The following SLC44A3 variants were observed in gnomAD, a reference collection of about 807,000 sequenced individuals.
The protein encoded by SLC44A3 is solute carrier family 44 member 3.
Under a neutral mutation model 75.4 loss-of-function variants are expected in SLC44A3, and 74 were observed. That is an observed-to-expected ratio of 0.98 (90% CI 0.81 to 1.19). The LOEUF (loss-of-function observed/expected upper bound fraction) is 1.19, where lower values mean the gene tolerates loss of function less well. Among genes scored for constraint, SLC44A3 ranks in the 50% most tolerant of loss-of-function variants. The probability of loss-of-function intolerance (pLI) is 0.00; values close to 1 mark genes in which losing one functional copy is unlikely to be tolerated. For missense variants in SLC44A3, 700 were observed against 778.6 expected (o/e 0.90, Z 1.20); for synonymous variants, 310 against 296.9 (o/e 1.04, Z -0.45).
chr1:94,839,761 A>C (rs544246856), intron 6 of SLC44A3, among the ~76,000 whole-genome samples, 187 bp from the exon 7 acceptor site: 46 of 152,296 alleles, frequency 3.0e-4, no homozygotes, highest in Middle Eastern at 3.4e-3. Flanking sequence ...TGAATGGTGC[A>C]TCAGAGACTG....
At chr1:94,832,880 T>A (rs937580275) in intron 5 of SLC44A3, among the ~76,000 whole-genome samples, 1 of 152,090 alleles carries the variant, frequency 6.6e-6, no homozygotes, top group African/African-American at 2.4e-5. Flanking sequence ...GATGGGAGGA[T>A]CTCTTGAGCC....
At chr1:94,865,801 T>C (rs1667104565) in intron 11 of SLC44A3, among the ~76,000 whole-genome samples, 1 of 152,228 alleles carries the variant, frequency 6.6e-6, no homozygotes, top group Non-Finnish European at 1.5e-5. Context: ...TCAGGACATT[T>C]TACCAATAGG....
chr1:94,876,051 T>C (rs1300006617), intron 12 of SLC44A3, among the ~76,000 whole-genome samples: 46 of 152,216 alleles, frequency 3.0e-4, no homozygotes, highest in Admixed American at 3.0e-3. Flanking sequence ...TGAAACTGAC[T>C]CCTCCTATGC....
Position 94,885,224 on chromosome 1 carries a change from C to CAAAAAAAAAAAAAAA in SLC44A3, c.1483-5901_1483-5887dup, listed in dbSNP as rs60440950. 3.3e-4 allele frequency among the ~76,000 whole-genome samples: 27 copies of CAAAAAAAAAAAAAAA among 82,850 alleles called. 2 individuals are homozygous for CAAAAAAAAAAAAAAA. Among genetic ancestry groups the CAAAAAAAAAAAAAAA allele is most frequent in the African/African-American group, 1.1e-3 (24 of 20,920 alleles). 54.4% of individuals were successfully genotyped at this position (82,850 alleles called of 152,430 possible). On this transcript the variant is annotated intron_variant, in intron 12 of 14. Coordinates refer to ENST00000271227, the MANE Select transcript of SLC44A3 (RefSeq NM_001114106.3). Reference sequence around the variant, plus strand: ...TGGGCGACAGAGTGAGACTCCCTCTCAAAAAAAAAAAAAAAAAAAGAGGCA... The same window carrying CAAAAAAAAAAAAAAA: ...TGGGCGACAGAGTGAGACTCCCTCTCAAAAAAAAAAAAAAAAAAAAAAAAAAAAAAAAAAGAGGCA...
At chr1:94,871,908 G>A (rs980138779) in intron 12 of SLC44A3, among the ~76,000 whole-genome samples, 8 of 152,240 alleles carry the variant, frequency 5.3e-5, no homozygotes, top group Non-Finnish European at 8.8e-5. Flanking sequence ...ACTCTTTTCA[G>A]ACATCTAACT....
chr1:94,821,894 T>C (rs1037106096), intron 2 of SLC44A3, among the ~76,000 whole-genome samples: 3 of 152,246 alleles, frequency 2.0e-5, no homozygotes, highest in African/African-American at 7.2e-5. Flanking sequence ...GAAAGGCATT[T>C]GTTCACTTAT....
intron 12 of SLC44A3, among the ~76,000 whole-genome samples, chr1:94,883,002 T>A (rs2101623687): frequency 6.6e-6 from 1 of 151,530 alleles, no homozygotes; most frequent in Non-Finnish European, 1.5e-5. Flanking sequence ...AAGACATTAT[T>A]GGTTTGCCAG....
rs1164384856 is a variant in SLC44A3 at position 94,845,293 on chromosome 1, TTGA to T, written c.903_905del (p.Leu301_Ile302delinsPhe). 2 of 1,610,792 alleles carry T rather than the reference TTGA, an allele frequency of 1.2e-6. No individual in the cohort carries two copies. Among genetic ancestry groups the T allele is most frequent in the Non-Finnish European group, 8.5e-7 (1 of 1,178,674 alleles). ...TTCTCACCAGGCAGTGCTGCTCGTC[TTGA>T]TTTTTGTTCTCAGAAAGAGAATAAA... On this transcript the variant is annotated inframe_deletion, in exon 9 of 15. Coordinates refer to ENST00000271227, the MANE Select transcript of SLC44A3 (RefSeq NM_001114106.3).
chr1:94,861,356 G>A (rs1666547267), intron 10 of SLC44A3, among the ~76,000 whole-genome samples: 1 of 152,110 alleles, frequency 6.6e-6, no homozygotes, highest in African/African-American at 2.4e-5. Context: ...ATAGCAGTAA[G>A]AACATGTAAT....
chr1:94,825,915 T>G (rs779262178), intron 3 of SLC44A3: 4 of 456,260 alleles, frequency 8.8e-6, no homozygotes, highest in South Asian at 6.2e-5. Flanking sequence ...CATAATGCAG[T>G]GTCAACAAAC....
intron 10 of SLC44A3, among the ~76,000 whole-genome samples, chr1:94,863,458 C>T (rs766958080): frequency 1.3e-5 from 2 of 152,138 alleles, no homozygotes; most frequent in Non-Finnish European, 2.9e-5. Context: ...TCCTCTTCTC[C>T]CTGCCTCCCC....
chr1:94,858,562 G>C lies in SLC44A3; in HGVS notation c.1238+1062G>C, dbSNP rs150005487. The stretch of plus-strand genomic sequence containing the variant: ...TCTTCATAGGGCTGATCCTCCTCCA[G>C]CCTCTCAGACCAAATGAGAGAGAAA... On this transcript the variant is annotated intron_variant, in intron 10 of 14. Coordinates refer to ENST00000271227, the MANE Select transcript of SLC44A3 (RefSeq NM_001114106.3). Among the ~76,000 whole-genome samples, 480 of 152,280 alleles carry C rather than the reference G, an allele frequency of 3.2e-3. 5 individuals are homozygous for C. The highest frequency in any genetic ancestry group is 0.011 in the African/African-American group (457 of 41,546).
In SLC44A3 at chr1:94,820,469, C is replaced by G. The variant is rs1249528649; in HGVS notation, c.18C>G (p.Ala6=). ...AGCGCACGATGCACTGCCTGGGCGCCGAGTACCTGGTAAGCGCTCGCAGCC... is the reference window on the plus strand; with the variant it reads ...AGCGCACGATGCACTGCCTGGGCGCGGAGTACCTGGTAAGCGCTCGCAGCC... MHCLG[A]EYLVSAEGAP... Residue 6 remains alanine, a synonymous_variant, in exon 1 of 15, where the codon GCC becomes GCG. Coordinates refer to ENST00000271227, the MANE Select transcript of SLC44A3 (RefSeq NM_001114106.3). The G allele has an allele frequency of 1.0e-5, 15 of 1,496,316 alleles. No homozygotes were observed. Among genetic ancestry groups the G allele is most frequent in the Non-Finnish European group, 1.3e-5 (15 of 1,126,752 alleles). The allele number at this position is 1,496,316 out of a possible 1,614,324, so 92.7% of individuals were successfully genotyped here.
At chr1:94,832,039 C>T (rs1024472465) in intron 5 of SLC44A3, among the ~76,000 whole-genome samples, 11 of 151,948 alleles carry the variant, frequency 7.2e-5, no homozygotes, top group South Asian at 2.1e-4. Context: ...TGATGGCAGG[C>T]GCCTGTAATC....
At chr1:94,889,524 T>TCTCA (rs1553213123) in intron 12 of SLC44A3, among the ~76,000 whole-genome samples, 2 of 111,622 alleles carry the variant, frequency 1.8e-5, no homozygotes, top group African/African-American at 5.3e-5. Flanking sequence ...GTGAACATAA[T>TCTCA]CACACACACA....
intron 9 of SLC44A3, among the ~76,000 whole-genome samples, chr1:94,847,839 ACGTGC>A (rs1468823247): frequency 2.0e-5 from 3 of 152,172 alleles, no homozygotes; most frequent in African/African-American, 7.2e-5. Flanking sequence ...GGGAGGCATG[ACGTGC>A]TGTGACTCTA....
chr1:94,843,443 C>G (rs1663935544), intron 8 of SLC44A3: 1 of 152,206 alleles, frequency 6.6e-6, no homozygotes, highest in Non-Finnish European at 1.5e-5. Context: ...ACTGAAGGGT[C>G]TCCTCTGGGT....
At chr1:94,861,532 A>C (rs1212606883) in intron 10 of SLC44A3, among the ~76,000 whole-genome samples, 1 of 152,252 alleles carries the variant, frequency 6.6e-6, no homozygotes, top group Non-Finnish European at 1.5e-5. Context: ...AAATTAATTT[A>C]TAATATAACA....
At chr1:94,823,503 G>A (rs1660898292) in intron 2 of SLC44A3, among the ~76,000 whole-genome samples, 1 of 152,194 alleles carries the variant, frequency 6.6e-6, no homozygotes, top group South Asian at 2.1e-4. Flanking sequence ...TGGGTTCCTG[G>A]AGGCAAGGAG....
Sources: allele counts gnomAD v4.1 joint callset (sites outside exome capture counted in the v4.1 genomes callset), GRCh38; gene constraint gnomAD v4.1.1; transcripts MANE v1.5; gene names NCBI Gene and HGNC (gene_info 2026-07-23, HGNC 2026-07-21).